Variants in PCDHA6 observed in about 807,000 individuals in gnomAD.
PCDHA6 encodes protocadherin alpha 6.
Under a neutral mutation model 60.3 loss-of-function variants are expected in PCDHA6, and 55 were observed. The ratio of observed to expected loss-of-function variants is 0.91; its 90% CI spans 0.73 to 1.14. The LOEUF (loss-of-function observed/expected upper bound fraction) is 1.14. PCDHA6 is among the 50% of genes most tolerant of loss of function. The pLI is 0.00. For missense variants in PCDHA6, 1,327 were observed against 1,256.5 expected (o/e 1.06, Z -0.85); for synonymous variants, 652 against 557.9 (o/e 1.17, Z -2.38).
At position 140,883,268 on chromosome 5, in the gene PCDHA6, T is replaced by C. The variant is rs782069573; in HGVS notation, c.2394+52783T>C. 3 of 1,613,912 alleles carry C rather than the reference T, an allele frequency of 1.9e-6. No homozygotes were observed. The African/African-American group carries it at 4.0e-5, about 22-fold the overall frequency. On this transcript the variant is annotated intron_variant, in intron 1 of 3. Coordinates refer to ENST00000529310, the MANE Select transcript of PCDHA6 (RefSeq NM_018909.4). ...AGGAAATATTCCAATGGCGGGTCAT[T>C]GTACCCTTTTGGTGGAAGTACTAGA...
chr5:140,965,664 A>G (rs931573016), intron 1 of PCDHA6, among the ~76,000 whole-genome samples: 2 of 152,254 alleles, frequency 1.3e-5, no homozygotes, highest in Non-Finnish European at 2.9e-5. Flanking sequence ...GTCTTGGGTG[A>G]TAAATGTAAA....
intron 1 of PCDHA6, chr5:140,926,630 C>T (rs754707244): frequency 6.0e-5 from 25 of 417,902 alleles, no homozygotes; most frequent in Non-Finnish European, 3.3e-5. Context: ...CGGCGCTGCG[C>T]TCCTCAACAC....
At chr5:140,840,692 G>A (rs181650579) in intron 1 of PCDHA6, among the ~76,000 whole-genome samples, 1 of 151,924 alleles carries the variant, frequency 6.6e-6, no homozygotes, top group African/African-American at 2.4e-5. Flanking sequence ...TAAATAAAAC[G>A]GTTCAGGCAA....
At position 141,011,371 on chromosome 5, in the gene PCDHA6, G is replaced by A. The variant is rs782444449; in HGVS notation, c.*1434G>A. 6.5e-6 allele frequency: 1 copy of A among 153,724 alleles called. No homozygotes were observed. The highest frequency in any genetic ancestry group is 1.5e-5 in the Non-Finnish European group (1 of 68,022). 9.5% of individuals were successfully genotyped at this position (153,724 alleles called of 1,614,324 possible). On this transcript the variant is annotated 3_prime_UTR_variant, in exon 4 of 4. Transcript: ENST00000529310. ...CTCCCATATGTATGCTGTATGCTAT[G>A]CTAAGACTCCTGAAATATACTTACT...
At position 140,883,588 on chromosome 5, in the gene PCDHA6, C is replaced by A. The variant is rs781923113; in HGVS notation, c.2394+53103C>A. 5.6e-6 allele frequency: 9 copies of A among 1,613,794 alleles called. No homozygotes were observed. In the East Asian group the frequency reaches 6.7e-5, roughly 12 times the overall value. ...CGCCTTCGCTGTGGGCCACGGCCAG[C>A]GTGTCGGTGGGGGTGGCCGACGTGA... is the stretch of plus-strand genomic sequence containing the variant. On this transcript the variant is annotated intron_variant, in intron 1 of 3. Coordinates refer to ENST00000529310, the MANE Select transcript of PCDHA6 (RefSeq NM_018909.4).
rs2150181512 is a variant in PCDHA6, at chr5:140,830,127, C to A, written c.2036C>A (p.Ser679Ter). The A allele has an allele frequency of 6.2e-7, 1 of 1,613,466 alleles. No homozygotes were observed. The highest frequency in any genetic ancestry group is 2.2e-5 in the East Asian group (1 of 44,864). The change falls in exon 1 of 4, where the codon TCA (serine) becomes TAA (stop). Residue 679 changes from serine (S) to a stop codon, truncating the protein, a stop_gained. Coordinates refer to ENST00000529310, the MANE Select transcript of PCDHA6 (RefSeq NM_018909.4). LOFTEE classifies it high-confidence loss of function. ...LVESGQAPKASSRASVGAAGP... is the reference protein window; with the variant it reads ...LVESGQAPKA Reference sequence around the variant, plus strand: ...GAGAGTGGCCAGGCTCCAAAGGCGTCATCACGGGCGTCGGTGGGCGCCGCG... The same window carrying A: ...GAGAGTGGCCAGGCTCCAAAGGCGTAATCACGGGCGTCGGTGGGCGCCGCG...
chr5:140,841,632 T>G lies in PCDHA6; in HGVS notation c.2394+11147T>G, dbSNP rs2150319799. On this transcript the variant is annotated intron_variant, in intron 1 of 3. Transcript: ENST00000529310. ...TGCGGGCGGAGCGCGGAGTGCAGCA[T>G]CCACCTGGAGGTGATCGTGGACAGG... is the stretch of plus-strand genomic sequence containing the variant. The G allele has an allele frequency of 8.1e-6, 13 of 1,614,152 alleles. No homozygotes were observed. In the Admixed American group the frequency reaches 1.8e-4, roughly 23 times the overall value.
At chr5:140,842,722 C>T (rs1554139310) in intron 1 of PCDHA6, 2 of 1,595,034 alleles carry the variant, frequency 1.3e-6, no homozygotes, top group Non-Finnish European at 1.7e-6. Flanking sequence ...TGAAGGAGAA[C>T]AACCCGCCGG....
At chr5:140,851,813 A>T (rs2042166057) in intron 1 of PCDHA6, 1 of 954,990 alleles carries the variant, frequency 1.0e-6, no homozygotes, top group Non-Finnish European at 1.3e-6. Context: ...AATCCATAAG[A>T]CAGAAATCTG....
rs2150253260 is a variant in PCDHA6, at chr5:140,836,120, G to C, written c.2394+5635G>C. 16 of 1,613,628 alleles carry C rather than the reference G, an allele frequency of 9.9e-6. No individual in the cohort carries two copies. The African/African-American group carries it at 1.7e-4, about 18-fold the overall frequency. Reference sequence around the variant, plus strand: ...GTGGCACTGGTGGCGCAGTGAGAGAGCTTGTGCCGCGGTCTGTGGGCGCGG... The same window carrying C: ...GTGGCACTGGTGGCGCAGTGAGAGACCTTGTGCCGCGGTCTGTGGGCGCGG... On this transcript the variant is annotated intron_variant, in intron 1 of 3. Coordinates refer to ENST00000529310, the MANE Select transcript of PCDHA6 (RefSeq NM_018909.4).
intron 1 of PCDHA6, chr5:140,849,556 C>T: frequency 6.3e-7 from 1 of 1,598,518 alleles, no homozygotes; most frequent in Non-Finnish European, 8.6e-7. Context: ...ACTATCAAAA[C>T]GCTCTCGGTT....
At chr5:140,831,520 CTTTT>C (rs2150195630) in intron 1 of PCDHA6, among the ~76,000 whole-genome samples, 54,210 of 121,934 alleles carry the variant, frequency 0.44, 12,278 homozygotes, top group Middle Eastern at 0.51. Flanking sequence ...TGCCCCCCAC[CTTTT>C]TTTTTTTTTT....
intron 1 of PCDHA6, among the ~76,000 whole-genome samples, chr5:140,890,477 C>G (rs1255992157): frequency 6.6e-6 from 1 of 151,926 alleles, no homozygotes; most frequent in African/African-American, 2.4e-5. Context: ...ATTTTTTGTG[C>G]GTTATTTTTG....
chr5:140,974,979 C>T (rs782292099), intron 1 of PCDHA6, among the ~76,000 whole-genome samples: 6 of 152,136 alleles, frequency 3.9e-5, no homozygotes, highest in African/African-American at 7.2e-5. Context: ...CTGAGTTGTC[C>T]GCTCAGGTAT....
chr5:140,965,830 A>G (rs2095939833), intron 1 of PCDHA6, among the ~76,000 whole-genome samples: 1 of 152,208 alleles, frequency 6.6e-6, no homozygotes, highest in African/African-American at 2.4e-5. Flanking sequence ...ACATTTAAAT[A>G]TTGGTTATTT....
In PCDHA6 at chr5:140,841,930, G is replaced by A. The variant is rs149689120; in HGVS notation, c.2394+11445G>A. 3.7e-6 allele frequency: 6 copies of A among 1,613,908 alleles called. No individual in the cohort carries two copies. In the African/African-American group the frequency reaches 8.0e-5, roughly 22 times the overall value. ...TATTAAGAAAATCCTTGGACAGAGAGGACGCTCCTGCGCACCACTTATTCC... is the reference window on the plus strand; with the variant it reads ...TATTAAGAAAATCCTTGGACAGAGAAGACGCTCCTGCGCACCACTTATTCC... On this transcript the variant is annotated intron_variant, in intron 1 of 3. Coordinates refer to ENST00000529310, the MANE Select transcript of PCDHA6 (RefSeq NM_018909.4).
intron 1 of PCDHA6, chr5:140,875,985 G>A (rs1351463699): frequency 4.3e-6 from 7 of 1,613,830 alleles, no homozygotes; most frequent in South Asian, 1.1e-5. Flanking sequence ...TGACCTATGC[G>A]TTAAGTCTAA....
At chr5:140,967,718 C>G (rs959323631) in intron 1 of PCDHA6, 1 of 1,613,988 alleles carries the variant, frequency 6.2e-7, no homozygotes, top group Non-Finnish European at 8.5e-7. Flanking sequence ...CGGGGAAGTG[C>G]GAGTAATTGG....
intron 1 of PCDHA6, chr5:140,848,990 C>T (rs2150428004): frequency 4.4e-6 from 7 of 1,597,248 alleles, no homozygotes; most frequent in Middle Eastern, 1.7e-4. Flanking sequence ...TCGGGGAGAA[C>T]GCCCTGCTCA....
Sources: allele counts gnomAD v4.1 joint callset (sites outside exome capture counted in the v4.1 genomes callset), GRCh38; gene constraint gnomAD v4.1.1; transcripts MANE v1.5; gene names NCBI Gene and HGNC (gene_info 2026-07-23, HGNC 2026-07-21).